HPR: variants seen among roughly 807,000 people sequenced by gnomAD.
HPR encodes the protein Haptoglobin-related locus.
In HPR, 17 loss-of-function variants were observed where a neutral mutation model predicts 18.5. That is an observed-to-expected ratio of 0.92 (90% CI 0.63 to 1.38). HPR has a LOEUF of 1.38. Ranked by LOEUF, HPR falls within the 40% of genes most tolerant of loss-of-function variation. HPR has a pLI of 0.00. For missense variants in HPR, 457 were observed against 432.4 expected, an observed-to-expected ratio of 1.06 and a Z score of -0.51; for synonymous variants, 176 against 165.0, an observed-to-expected ratio of 1.07 and a Z score of -0.51.
chr16:72,074,824 C>A (rs77245810), intron 3 of HPR: 297 of 646,756 alleles, frequency 4.6e-4, no homozygotes, highest in African/African-American at 3.7e-3. Flanking sequence ...ACAGAGGCAC[C>A]GACAGGTTGA....
intron 1 of HPR, among the ~76,000 whole-genome samples, chr16:72,072,049 C>A (rs2041662731): frequency 6.6e-6 from 1 of 151,868 alleles, no homozygotes; most frequent in Non-Finnish European, 1.5e-5. Context: ...GCTCTTGTTG[C>A]CCAGGCTGGA....
chr16:72,071,661 C>T (rs116891509), intron 1 of HPR, among the ~76,000 whole-genome samples: 7,784 of 152,202 alleles, frequency 0.051, 277 homozygotes, highest in Non-Finnish European at 0.073. Flanking sequence ...ACCCATCAGT[C>T]TGCCCTTAGT....
intron 1 of HPR, among the ~76,000 whole-genome samples, chr16:72,070,810 T>C (rs1016769739): frequency 2.0e-5 from 3 of 152,094 alleles, no homozygotes; most frequent in Non-Finnish European, 4.4e-5. Flanking sequence ...AGTATAAGTA[T>C]AGAACCTTAA....
chr16:72,068,057 T>C (rs1209226787), intron 1 of HPR, among the ~76,000 whole-genome samples: 1 of 152,146 alleles, frequency 6.6e-6, no homozygotes, highest in Non-Finnish European at 1.5e-5. Context: ...GGTTCATGGA[T>C]TCACCCAACC....
rs1213199362 is a variant in HPR at position 72,076,544 on chromosome 16, G to A, written c.510G>A (p.Lys170=). The change falls in exon 5 of 5, where the codon AAG becomes AAA. Residue 170 remains lysine (K), a synonymous_variant. Transcript: ENST00000540303. The stretch of plus-strand genomic sequence containing the variant: ...CTTTAACACTCTATGTGGGGAAAAA[G>A]CAGCTTGTAGAGATTGAGAAGGTGG... The part of the protein sequence containing the change: ...APTLTLYVGK[K]QLVEIEKVVL... 1.9e-6 allele frequency: 3 copies of A among 1,614,060 alleles called. No individual in the cohort carries two copies. The highest frequency in any genetic ancestry group is 2.5e-6 in the Non-Finnish European group (3 of 1,180,042).
intron 1 of HPR, among the ~76,000 whole-genome samples, chr16:72,069,950 A>T (rs929447357): frequency 2.0e-5 from 3 of 152,212 alleles, no homozygotes; most frequent in African/African-American, 7.2e-5. Flanking sequence ...GATTTGGACT[A>T]ATACAAAGCA....
intron 1 of HPR, among the ~76,000 whole-genome samples, chr16:72,065,004 G>T (rs1408702947): frequency 6.6e-6 from 1 of 152,188 alleles, no homozygotes; most frequent in East Asian, 1.9e-4. Context: ...GGTAAGAAAT[G>T]TCGCAGGAGT....
At position 72,074,478 on chromosome 16, in the gene HPR, T is replaced by G. The variant is rs2041696161; in HGVS notation, c.193+93T>G. On this transcript the variant is annotated intron_variant, in intron 3 of 4. Transcript: ENST00000540303. ...GTGCTGAGGTGATTTGCCAGAAAGT[T>G]CGTTGCTCTCCTTGGAGCCAGGAGA... The G allele has an allele frequency of 4.5e-6, 5 of 1,123,216 alleles. No individual in the cohort carries two copies. The East Asian group carries it at 1.2e-4, about 27-fold the overall frequency. The allele number at this position is 1,123,216 out of a possible 1,614,324, so 69.6% of individuals were successfully genotyped here.
intron 3 of HPR, chr16:72,074,656 G>C (rs2041698036): frequency 2.8e-6 from 2 of 710,086 alleles, no homozygotes; most frequent in Non-Finnish European, 5.2e-6. Context: ...ATCTCCAGCA[G>C]ATGTGGGAAA....
chr16:72,071,512 C>A (rs186893046), intron 1 of HPR, among the ~76,000 whole-genome samples: 1 of 152,254 alleles, frequency 6.6e-6, no homozygotes, highest in East Asian at 1.9e-4. Flanking sequence ...GCTCAACACC[C>A]TGAGGGTCAG....
At position 72,076,358 on chromosome 16, in the gene HPR, C is replaced by T. The variant is rs201615147; in HGVS notation, c.324C>T (p.His108=). Residue 108 remains histidine (H), a synonymous_variant, in exon 5 of 5, where the codon CAC becomes CAT. Coordinates refer to ENST00000540303, the MANE Select transcript of HPR (RefSeq NM_020995.4). ...ANPVQRILGG[H]LDAKGSFPWQ... Reference sequence around the variant, plus strand: ...CAGTGCAGCGGATCCTGGGTGGACACCTGGATGCCAAAGGCAGCTTTCCCT... The same window carrying T: ...CAGTGCAGCGGATCCTGGGTGGACATCTGGATGCCAAAGGCAGCTTTCCCT... The T allele has an allele frequency of 1.9e-6, 3 of 1,613,998 alleles. No homozygotes were observed. The highest frequency in any genetic ancestry group is 2.5e-6 in the Non-Finnish European group (3 of 1,179,964).
chr16:72,076,891 C>G lies in HPR; in HGVS notation c.857C>G (p.Ser286Cys), dbSNP rs746207251. The G allele has an allele frequency of 6.3e-5, 101 of 1,614,116 alleles. No individual in the cohort carries two copies. In the East Asian group the frequency reaches 2.2e-3, roughly 36 times the overall value. The change falls in exon 5 of 5, where the codon TCT (serine) becomes TGT (cysteine). Residue 286 changes from serine (S) to cysteine (C), a missense_variant. By Grantham distance (112) the Ser-to-Cys change is moderately radical (BLOSUM62 -1). Transcript: ENST00000540303. Reference sequence around the variant, plus strand: ...GAACACACCTTCTGTGTCGGCATGTCTAAGTACCAGGAAGACACCTGCTAT... The same window carrying G: ...GAACACACCTTCTGTGTCGGCATGTGTAAGTACCAGGAAGACACCTGCTAT... Reference protein sequence around the residue: ...LNEHTFCVGMSKYQEDTCYGD... With the variant: ...LNEHTFCVGMCKYQEDTCYGD...
intron 1 of HPR, among the ~76,000 whole-genome samples, chr16:72,066,305 C>G (rs545269008): frequency 1.3e-5 from 2 of 152,132 alleles, no homozygotes; most frequent in Admixed American, 6.5e-5. Flanking sequence ...CTCAGTTATA[C>G]ACTTGGGTCG....
chr16:72,073,793 C>G, intron 1 of HPR, 99 bp from the exon 2 acceptor site: 1 of 1,494,710 alleles, frequency 6.7e-7, no homozygotes, highest in East Asian at 2.4e-5. Flanking sequence ...TGTGTGTGTG[C>G]GTGTGTGTGT....
intron 1 of HPR, among the ~76,000 whole-genome samples, chr16:72,063,717 CT>C (rs1231655351): frequency 6.6e-6 from 1 of 152,010 alleles, no homozygotes; most frequent in Non-Finnish European, 1.5e-5. Flanking sequence ...AATAAAAAGA[CT>C]TTTTGAAATG....
At chr16:72,072,077 C>T (rs1305235133) in intron 1 of HPR, among the ~76,000 whole-genome samples, 4 of 151,828 alleles carry the variant, frequency 2.6e-5, no homozygotes, top group Admixed American at 6.6e-5. Flanking sequence ...GGCATGATCT[C>T]GGCTCACCAC....
At chr16:72,069,581 A>T (rs74029805) in intron 1 of HPR, among the ~76,000 whole-genome samples, 19 of 152,328 alleles carry the variant, frequency 1.2e-4, no homozygotes, top group African/African-American at 4.1e-4. Flanking sequence ...GTTATGTGGA[A>T]GATCTAGTCT....
At chr16:72,074,824 C>T (rs77245810) in intron 3 of HPR, 7 of 646,698 alleles carry the variant, frequency 1.1e-5, no homozygotes, top group East Asian at 2.7e-5. Context: ...ACAGAGGCAC[C>T]GACAGGTTGA....
chr16:72,069,483 G>C (rs2041632747), intron 1 of HPR, among the ~76,000 whole-genome samples: 2 of 151,912 alleles, frequency 1.3e-5, no homozygotes, highest in South Asian at 2.1e-4. Flanking sequence ...CTCTTCCATT[G>C]AAAAAGAAGA....
Sources: allele counts gnomAD v4.1 joint callset (sites outside exome capture counted in the v4.1 genomes callset), GRCh38; gene constraint gnomAD v4.1.1; transcripts MANE v1.5; gene names NCBI Gene and HGNC (gene_info 2026-07-23, HGNC 2026-07-21).